Variants in TRIB2 observed in about 807,000 individuals in gnomAD.
The protein encoded by TRIB2 is tribbles homolog 2.
A neutral mutation model predicts 26.8 loss-of-function variants in TRIB2; 2 were observed. That is an observed-to-expected ratio of 0.07 (90% CI 0.03 to 0.24). The LOEUF is 0.24. TRIB2 is among the 10% of genes least tolerant of loss of function. The pLI, the probability that TRIB2 is intolerant of heterozygous loss-of-function variation, is 1.00. For synonymous variants in TRIB2, 189 were observed against 187.3 expected (o/e 1.01, Z -0.08); for missense variants, 306 against 449.0 (o/e 0.68, Z 2.88).
chr2:12,738,854 A>G (rs1410630464), intron 2 of TRIB2, among the ~76,000 whole-genome samples: 3 of 152,190 alleles, frequency 2.0e-5, no homozygotes, highest in African/African-American at 2.4e-5. Flanking sequence ...CACTTCCAAA[A>G]GTATTTCCTG....
At position 12,742,573 on chromosome 2, in the gene TRIB2, C is replaced by G. The variant is rs1181630313; in HGVS notation, c.*1779C>G. The G allele has an allele frequency of 6.6e-6, 1 of 151,618 alleles. No homozygotes were observed. Among genetic ancestry groups the G allele is most frequent in the African/African-American group, 2.4e-5 (1 of 41,074 alleles). 9.4% of individuals were successfully genotyped at this position (151,618 alleles called of 1,614,324 possible). On this transcript the variant is annotated 3_prime_UTR_variant, in exon 3 of 3. Transcript: ENST00000155926. Reference sequence around the variant, plus strand: ...AAGATGGTGCTGTGTCAAGAAGGACCTTTTTTTTCCCCTCTCCCCTATTTT... The same window carrying G: ...AAGATGGTGCTGTGTCAAGAAGGACGTTTTTTTTCCCCTCTCCCCTATTTT...
rs1266728032 is a variant in TRIB2 at position 12,717,406 on chromosome 2, G to A, written c.-902G>A. 5 of 398,386 alleles carry A rather than the reference G, an allele frequency of 1.3e-5. No homozygotes were observed. The highest frequency in any genetic ancestry group is 2.1e-5 in the African/African-American group (1 of 48,608). 24.7% of individuals were successfully genotyped at this position (398,386 alleles called of 1,614,324 possible). On this transcript the variant is annotated 5_prime_UTR_variant, in exon 1 of 3. Transcript: ENST00000155926. The surrounding 1 kb of genome is among the most constrained non-coding windows in gnomAD (Gnocchi z 4.8). ...GATCTGTCCTCGTTCTCTCCTGCAC[G>A]TCTGGCTGCATTCGGAGGAAGACCT...
chr2:12,722,366 A>C (rs1661240470), intron 1 of TRIB2, among the ~76,000 whole-genome samples: 1 of 152,230 alleles, frequency 6.6e-6, no homozygotes, highest in East Asian at 1.9e-4. Flanking sequence ...AGGCAGATAG[A>C]AAAACCACAT....
chr2:12,723,613 T>C (rs904571078), intron 2 of TRIB2, 61 bp downstream of exon 2: 1 of 1,545,502 alleles, frequency 6.5e-7, no homozygotes, highest in Non-Finnish European at 8.7e-7. Context: ...AACAGCTTCC[T>C]AGAAAAGTCT....
At chr2:12,730,866 T>A (rs574065525) in intron 2 of TRIB2, among the ~76,000 whole-genome samples, 207 of 152,306 alleles carry the variant, frequency 1.4e-3, no homozygotes, top group Admixed American at 2.2e-3. Flanking sequence ...TTTCTCTAAA[T>A]CATGAAACCG....
At chr2:12,736,428 T>G (rs1254097697) in intron 2 of TRIB2, among the ~76,000 whole-genome samples, 1 of 151,908 alleles carries the variant, frequency 6.6e-6, no homozygotes, top group African/African-American at 2.4e-5. Context: ...CCTGTAGTCA[T>G]ATCTCCCTCC....
chr2:12,718,546 A>G lies in TRIB2; in HGVS notation c.239A>G (p.His80Arg). The change falls in exon 1 of 3, where the codon CAT becomes CGT. Residue 80 changes from histidine to arginine, a missense_variant. Physicochemically the swap from His to Arg is conservative, Grantham distance 29. Around this residue, in one of 4 missense-constraint regions of TRIB2, gnomAD observed 99 missense variants for 106.5 expected, o/e 0.93. Coordinates refer to ENST00000155926, the MANE Select transcript of TRIB2 (RefSeq NM_021643.4). The surrounding 1 kb of genome is among the most constrained non-coding windows in gnomAD (Gnocchi z 4.0). ...GGAGACCACGTTTTTCGTGCCGTGCATCTGCACAGCGGAGAGGAGCTGGTG... is the reference window on the plus strand; with the variant it reads ...GGAGACCACGTTTTTCGTGCCGTGCGTCTGCACAGCGGAGAGGAGCTGGTG... Reference protein sequence around the residue: ...LEGDHVFRAVHLHSGEELVCK... With the variant: ...LEGDHVFRAVRLHSGEELVCK... 6.2e-7 allele frequency: 1 copy of G among 1,614,160 alleles called. No individual in the cohort carries two copies. Among genetic ancestry groups the G allele is most frequent in the Non-Finnish European group, 8.5e-7 (1 of 1,180,000 alleles).
In TRIB2 at chr2:12,740,508, T is replaced by C. The variant is rs1661690043; in HGVS notation, c.746T>C (p.Val249Ala). 2 of 1,614,026 alleles carry C rather than the reference T, an allele frequency of 1.2e-6. No individual in the cohort carries two copies. The part of the protein sequence containing the change: ...SLGVMLYTML[V>A]GRYPFHDIEP... Reference sequence around the variant, plus strand: ...GGGGTGATGCTGTACACCATGTTGGTGGGGCGGTACCCTTTCCATGACATT... The same window carrying C: ...GGGGTGATGCTGTACACCATGTTGGCGGGGCGGTACCCTTTCCATGACATT... The change falls in exon 3 of 3, where the codon GTG (valine) becomes GCG (alanine). Residue 249 changes from valine to alanine, a missense_variant. Val to Ala is a moderately conservative substitution (Grantham distance 64). This residue lies in a region of TRIB2 where 11 missense variants were observed against 48.7 expected (regional missense o/e 0.23). Transcript: ENST00000155926. This position sits in a 1 kb window ranked among gnomAD's most constrained non-coding sequence, Gnocchi z 5.8.
Position 12,718,197 on chromosome 2 carries a change from C to T in TRIB2, c.-111C>T. On this transcript the variant is annotated 5_prime_UTR_variant, in exon 1 of 3. Coordinates refer to ENST00000155926, the MANE Select transcript of TRIB2 (RefSeq NM_021643.4). This position sits in a 1 kb window ranked among gnomAD's most constrained non-coding sequence, Gnocchi z 4.0. ...CGCAGCCCCTCTTCTGTCCCCTCCCCTCTCGCTCCCTTTTAAAATCAGTGG... is the reference window on the plus strand; with the variant it reads ...CGCAGCCCCTCTTCTGTCCCCTCCCTTCTCGCTCCCTTTTAAAATCAGTGG... The T allele has an allele frequency of 7.1e-7, 1 of 1,402,482 alleles. No individual in the cohort carries two copies. 86.9% of individuals were successfully genotyped at this position (1,402,482 alleles called of 1,614,324 possible). A position where few individuals can be genotyped will look rare whatever the true frequency, so the allele number is the denominator to read the frequency against.
In TRIB2 at chr2:12,740,247, T is replaced by C. The variant is rs746579583; in HGVS notation, c.564-79T>C. 136 of 1,338,498 alleles carry C rather than the reference T, an allele frequency of 1.0e-4. No individual in the cohort carries two copies. The highest frequency in any genetic ancestry group is 1.4e-4 in the Non-Finnish European group (132 of 957,338). 82.9% of individuals were successfully genotyped at this position (1,338,498 alleles called of 1,614,324 possible). ...GAATGAGGAGTCTTCAGAAACACTA[T>C]AGTCGGTTATGTTATGATGCTGGTG... On this transcript the variant is annotated intron_variant, in intron 2 of 2. Coordinates refer to ENST00000155926, the MANE Select transcript of TRIB2 (RefSeq NM_021643.4). This position sits in a 1 kb window ranked among gnomAD's most constrained non-coding sequence, Gnocchi z 5.8.
rs201718135 is a variant in TRIB2 at position 12,718,368 on chromosome 2, A to G, written c.61A>G (p.Thr21Ala). ...GAGATATGGGAGATCGCGGAACAAA[A>G]CCCAGGATTTCGAAGAGTTGTCGTC... ...IARYGRSRNK[T>A]QDFEELSSIR... The change falls in exon 1 of 3, where the codon ACC becomes GCC. Residue 21 changes from threonine (T) to alanine (A), a missense_variant. This residue lies in a region of TRIB2 where 99 missense variants were observed against 106.5 expected (regional missense o/e 0.93). Transcript: ENST00000155926. The surrounding 1 kb of genome is among the most constrained non-coding windows in gnomAD (Gnocchi z 4.0). 21 of 1,613,852 alleles carry G rather than the reference A, an allele frequency of 1.3e-5. No homozygotes were observed. The East Asian group carries it at 4.5e-4, about 34-fold the overall frequency.
In TRIB2 at chr2:12,733,746, G is replaced by A. The variant is rs115103561; in HGVS notation, c.564-6580G>A. ...AAAATCTGGAATTCTGAAGCTAGACGAGCCCTTTTCAGGCCCTGTAGCTAT... is the reference window on the plus strand; with the variant it reads ...AAAATCTGGAATTCTGAAGCTAGACAAGCCCTTTTCAGGCCCTGTAGCTAT... On this transcript the variant is annotated intron_variant, in intron 2 of 2. Transcript: ENST00000155926. Among the ~76,000 whole-genome samples, 716 of 152,246 alleles carry A rather than the reference G, an allele frequency of 4.7e-3. 6 individuals are homozygous for A. The highest frequency in any genetic ancestry group is 0.017 in the African/African-American group (687 of 41,526).
At chr2:12,737,044 C>T (rs992171682) in intron 2 of TRIB2, among the ~76,000 whole-genome samples, 1 of 152,124 alleles carries the variant, frequency 6.6e-6, no homozygotes, top group African/African-American at 2.4e-5. Flanking sequence ...TGAGGAACAG[C>T]AAACAGGCTG....
rs1661490562 is a variant in TRIB2 at position 12,733,056 on chromosome 2, T to TGGGAAA, written c.564-7270_564-7269insGGGAAA. ...CCTGCCAAGGGCCCACAGTGCTGTT[T>TGGGAAA]AAAGATTGGAAAATACGGCATGATT... is the stretch of plus-strand genomic sequence containing the variant. On this transcript the variant is annotated intron_variant, in intron 2 of 2. Transcript: ENST00000155926. Among the ~76,000 whole-genome samples, 8 of 152,300 alleles carry TGGGAAA rather than the reference T, an allele frequency of 5.3e-5. No individual in the cohort carries two copies. The South Asian group carries it at 1.0e-3, about 20-fold the overall frequency.
intron 2 of TRIB2, among the ~76,000 whole-genome samples, chr2:12,729,748 G>A (rs115111076): frequency 6.6e-6 from 1 of 152,132 alleles, no homozygotes; most frequent in Admixed American, 6.5e-5. Flanking sequence ...GCTGCTTACT[G>A]CTTGTACTTA....
At chr2:12,719,037 T>G (rs1237441146) in intron 1 of TRIB2, among the ~76,000 whole-genome samples, 1 of 152,144 alleles carries the variant, frequency 6.6e-6, no homozygotes, top group Non-Finnish European at 1.5e-5. Flanking sequence ...GTTCCGAAGG[T>G]GCCCTTTAAA....
chr2:12,721,137 G>A (rs536780171), intron 1 of TRIB2, among the ~76,000 whole-genome samples: 11 of 152,138 alleles, frequency 7.2e-5, no homozygotes, highest in Non-Finnish European at 1.2e-4. Context: ...GCTCCTTCTC[G>A]TGTGGGAAAA....
At chr2:12,722,859 G>A (rs1661253862) in intron 1 of TRIB2, among the ~76,000 whole-genome samples, 1 of 152,168 alleles carries the variant, frequency 6.6e-6, no homozygotes, top group African/African-American at 2.4e-5. Context: ...CAAATAAAGT[G>A]TTGTTGATGT....
At chr2:12,727,003 A>G (rs1293830828) in intron 2 of TRIB2, among the ~76,000 whole-genome samples, 1 of 152,210 alleles carries the variant, frequency 6.6e-6, no homozygotes, top group African/African-American at 2.4e-5. Flanking sequence ...TTGCAGGCAG[A>G]CACAGATGAC....
Sources: gnomAD v4.1 joint callset for allele counts (sites outside exome capture counted in the v4.1 genomes callset) on GRCh38, gnomAD v4.1.1 for gene constraint, gnomAD v4.1.1 regional missense constraint, Gnocchi (gnomAD v3.1) non-coding constraint, MANE v1.5 for transcripts, NCBI Gene and HGNC (gene_info 2026-07-23, HGNC 2026-07-21) for gene names.